BIN2: variants seen among roughly 807,000 people sequenced by gnomAD.
BIN2 encodes breast cancer associated protein BRAP1.
BIN2 carries 43 observed loss-of-function variants against 67.9 expected under a neutral mutation model. That is an observed-to-expected ratio of 0.63 (90% CI 0.50 to 0.82). The LOEUF (loss-of-function observed/expected upper bound fraction) is 0.82. Ranked by LOEUF, BIN2 falls within the 40% of genes least tolerant of loss-of-function variation. The pLI is 0.00. For synonymous variants in BIN2, 244 were observed against 246.8 expected (o/e 0.99, Z 0.11); for missense variants, 581 against 671.6 (o/e 0.87, Z 1.49).
intron 9 of BIN2, among the ~76,000 whole-genome samples, chr12:51,294,612 A>G (rs547481512): frequency 6.6e-6 from 1 of 152,094 alleles, no homozygotes; most frequent in Non-Finnish European, 1.5e-5. Context: ...ATGCAAAACA[A>G]TATTTTATGT....
intron 2 of BIN2, among the ~76,000 whole-genome samples, chr12:51,312,566 T>A (rs1482484422): frequency 6.6e-6 from 1 of 152,242 alleles, no homozygotes; most frequent in Non-Finnish European, 1.5e-5. Flanking sequence ...TATCTAGAAT[T>A]TGTTTCATAA....
At chr12:51,316,471 G>A (rs1271646294) in intron 1 of BIN2, among the ~76,000 whole-genome samples, 2 of 152,080 alleles carry the variant, frequency 1.3e-5, no homozygotes, top group African/African-American at 4.8e-5. Flanking sequence ...ACTCCAGCCT[G>A]GGTGACAGAG....
At chr12:51,311,004 CTG>C (rs2137423600) in intron 2 of BIN2, among the ~76,000 whole-genome samples, 1 of 151,994 alleles carries the variant, frequency 6.6e-6, no homozygotes, top group South Asian at 2.1e-4. Flanking sequence ...GCACTTTGGG[CTG>C]CCAAAGTGCT....
chr12:51,313,175 T>G, intron 2 of BIN2, among the ~76,000 whole-genome samples: 3 of 97,332 alleles, frequency 3.1e-5, no homozygotes, highest in Admixed American at 2.6e-4. Flanking sequence ...AAGGTTGAGG[T>G]TGCAGTGAGA....
In BIN2 at chr12:51,281,454, T is replaced by G. The variant is rs1161052309; in HGVS notation, c.*45A>C. The G allele has an allele frequency of 6.3e-7, 1 of 1,596,918 alleles. No individual in the cohort carries two copies. The highest frequency in any genetic ancestry group is 8.6e-7 in the Non-Finnish European group (1 of 1,164,382). On this transcript the variant is annotated 3_prime_UTR_variant, in exon 13 of 13. Coordinates refer to ENST00000615107, the MANE Select transcript of BIN2 (RefSeq NM_016293.4). ...GACCTATACCCTCTGGTTGAAGAGCTTCTCTGGCGAGGTTTGGGGCAGGAG... is the reference window on the plus strand; with the variant it reads ...GACCTATACCCTCTGGTTGAAGAGCGTCTCTGGCGAGGTTTGGGGCAGGAG...
intron 9 of BIN2, 103 bp from the exon 10 acceptor site, chr12:51,292,447 T>A: frequency 7.7e-7 from 1 of 1,291,992 alleles, no homozygotes; most frequent in Non-Finnish European, 1.0e-6. Context: ...TAAAGCAATT[T>A]AAAATGTTAG....
intron 7 of BIN2, among the ~76,000 whole-genome samples, chr12:51,298,585 T>A (rs1945631761): frequency 6.6e-6 from 1 of 151,832 alleles, no homozygotes; most frequent in Non-Finnish European, 1.5e-5. Context: ...AAAAATAAAA[T>A]TTCAATTTCA....
chr12:51,305,484 C>A (rs752168511), intron 2 of BIN2, among the ~76,000 whole-genome samples: 3 of 150,668 alleles, frequency 2.0e-5, no homozygotes, highest in Non-Finnish European at 4.4e-5. Context: ...ATTAGCCAGG[C>A]ATGGTGGCAC....
intron 6 of BIN2, 77 bp from the exon 7 acceptor site, chr12:51,299,365 A>G (rs979394578): frequency 7.1e-6 from 10 of 1,413,140 alleles, no homozygotes; most frequent in South Asian, 3.5e-5. Context: ...CATCCTCTGC[A>G]TTTTTTTAGG....
At chr12:51,295,110 C>G (rs1945500866) in intron 9 of BIN2, among the ~76,000 whole-genome samples, 1 of 151,132 alleles carries the variant, frequency 6.6e-6, no homozygotes, top group Admixed American at 6.6e-5. Context: ...TTTTTTTTTT[C>G]TTTTAATCTT....
chr12:51,287,958 G>A (rs1234168170), intron 11 of BIN2, 150 bp downstream of exon 11: 5 of 586,692 alleles, frequency 8.5e-6, no homozygotes, highest in Non-Finnish European at 1.5e-5. Context: ...GCCAGGACAA[G>A]TTTTACATCT....
intron 4 of BIN2, chr12:51,302,450 A>T: frequency 3.7e-6 from 2 of 541,534 alleles, no homozygotes; most frequent in South Asian, 4.5e-5. Context: ...AACTTCCCAT[A>T]ATGTTTTAAA....
At chr12:51,316,251 G>A (rs1946126104) in intron 1 of BIN2, among the ~76,000 whole-genome samples, 3 of 151,980 alleles carry the variant, frequency 2.0e-5, no homozygotes, top group Admixed American at 6.6e-5. Flanking sequence ...GGGAGGCCGA[G>A]GCAGGCGGAT....
chr12:51,291,782 C>A lies in BIN2; in HGVS notation c.1324G>T (p.Gly442Trp). Residue 442 changes from glycine (G) to tryptophan (W), a missense_variant, in exon 10 of 13, where the codon GGG (glycine) becomes TGG (tryptophan). Transcript: ENST00000615107. ...NIPSSPTASG[G>W]GSPTSPRASL... The stretch of plus-strand genomic sequence containing the variant: ...GCCCTAGGGCTGGTGGGTGAACCCC[C>A]TCCAGAGGCTGTAGGGCTGGAAGGT... The A allele has an allele frequency of 2.5e-6, 4 of 1,613,692 alleles. No individual in the cohort carries two copies. Among genetic ancestry groups the A allele is most frequent in the Non-Finnish European group, 3.4e-6 (4 of 1,179,780 alleles).
intron 1 of BIN2, among the ~76,000 whole-genome samples, chr12:51,318,788 A>G (rs1946196197): frequency 6.6e-6 from 1 of 152,184 alleles, no homozygotes; most frequent in African/African-American, 2.4e-5. Context: ...GGATTAAATG[A>G]TATTTTGCAT....
At chr12:51,301,955 C>T (rs1490489269) in intron 5 of BIN2, 65 bp downstream of exon 5, 5 of 1,123,920 alleles carry the variant, frequency 4.4e-6, no homozygotes, top group Non-Finnish European at 4.0e-6. Flanking sequence ...TAATGCTTAA[C>T]CCAATATGTT....
At chr12:51,302,569 G>T in intron 4 of BIN2, 117 bp downstream of exon 4, 1 of 851,084 alleles carries the variant, frequency 1.2e-6, no homozygotes. Context: ...CTACACAAAT[G>T]CACAGTGTGA....
chr12:51,302,085 C>T lies in BIN2; in HGVS notation c.343G>A (p.Glu115Lys). 6.2e-7 allele frequency: 1 copy of T among 1,613,554 alleles called. No individual in the cohort carries two copies. The highest frequency in any genetic ancestry group is 1.1e-5 in the South Asian group (1 of 91,064). Residue 115 changes from glutamate (E) to lysine (K), a missense_variant, in exon 5 of 13, where the codon GAG (glutamate) becomes AAG (lysine). Transcript: ENST00000615107. ...NNDLLWEDYE[E>K]KLADQAVRTM... ...CTTACAGCCTGGTCAGCCAGTTTCT[C>T]CTCGTAGTCTTCCCAAAGGAGATCA...
At chr12:51,317,938 A>C (rs1160293027) in intron 1 of BIN2, among the ~76,000 whole-genome samples, 1 of 152,178 alleles carries the variant, frequency 6.6e-6, no homozygotes, top group Non-Finnish European at 1.5e-5. Context: ...CAGTGACCCG[A>C]GATAGCGCCA....
Sources: allele counts gnomAD v4.1 joint callset (sites outside exome capture counted in the v4.1 genomes callset), GRCh38; gene constraint gnomAD v4.1.1; transcripts MANE v1.5; gene names NCBI Gene and HGNC (gene_info 2026-07-23, HGNC 2026-07-21).